The following TBCB variants were observed in gnomAD, a reference collection of about 807,000 sequenced individuals.
TBCB encodes tubulin-folding cofactor B.
In TBCB, 18 loss-of-function variants were observed where a neutral mutation model predicts 29.2. The ratio of observed to expected loss-of-function variants is 0.62; its 90% confidence interval spans 0.43 to 0.91. The LOEUF is 0.91. TBCB is among the 40% of genes least tolerant of loss of function. The pLI is 0.00. For missense variants in TBCB, 336 were observed against 337.6 expected (o/e 1.00, Z 0.04); for synonymous variants, 172 against 137.8 (o/e 1.25, Z -1.74).
In TBCB at chr19:36,115,601, T is replaced by C. The variant is rs1973934794; in HGVS notation, c.41T>C (p.Phe14Ser). 6.2e-7 allele frequency: 1 copy of C among 1,609,986 alleles called. No individual in the cohort carries two copies. Among genetic ancestry groups the C allele is most frequent in the Non-Finnish European group, 8.5e-7 (1 of 1,178,594 alleles). The change falls in exon 1 of 6, where the codon TTC (phenylalanine) becomes TCC (serine). Residue 14 changes from phenylalanine to serine, a missense_variant. Transcript: ENST00000221855. The stretch of plus-strand genomic sequence containing the variant: ...GTGTCGGCACCCACGGTGACCGTTT[T>C]CATCAGCAGCTCCCTCAACACCTTC... The part of the protein sequence containing the change: ...TGVSAPTVTV[F>S]ISSSLNTFRS...
chr19:36,124,353 TGGG>T (rs1412097936), intron 4 of TBCB, among the ~76,000 whole-genome samples: 1 of 151,822 alleles, frequency 6.6e-6, no homozygotes, highest in Non-Finnish European at 1.5e-5. Context: ...CCCGAGTAGC[TGGG>T]ATTATAGGTG....
intron 2 of TBCB, among the ~76,000 whole-genome samples, chr19:36,117,044 C>T (rs964004427): frequency 6.6e-6 from 1 of 152,228 alleles, no homozygotes; most frequent in Non-Finnish European, 1.5e-5. Context: ...CATATGCCTG[C>T]GTGCCTCACC....
chr19:36,115,871 GA>G, intron 1 of TBCB, 169 bp from the exon 2 acceptor site: 2 of 1,177,118 alleles, frequency 1.7e-6, no homozygotes, highest in Non-Finnish European at 2.4e-6. Flanking sequence ...CGGGTCCAGC[GA>G]AAAATCCGAC....
intron 2 of TBCB, among the ~76,000 whole-genome samples, chr19:36,117,517 T>C (rs1045354254): frequency 2.0e-5 from 3 of 151,640 alleles, no homozygotes; most frequent in Admixed American, 2.0e-4. Flanking sequence ...GCTAATTTTG[T>C]AATTTTGTAT....
At chr19:36,116,723 G>A (rs903094991) in intron 2 of TBCB, 3 of 152,298 alleles carry the variant, frequency 2.0e-5, no homozygotes, top group African/African-American at 7.2e-5. Context: ...TCACCTCCTG[G>A]GTTCAAGTGA....
At chr19:36,120,428 T>C (rs1319214708) in intron 2 of TBCB, 3 of 456,506 alleles carry the variant, frequency 6.6e-6, no homozygotes, top group Non-Finnish European at 1.2e-5. Context: ...CCGGTTGGAC[T>C]CTGTGACTTT....
In TBCB at chr19:36,115,479, A is replaced by C; in HGVS notation, c.-82A>C. The C allele has an allele frequency of 9.4e-7, 1 of 1,062,012 alleles. No homozygotes were observed. Among genetic ancestry groups the C allele is most frequent in the Non-Finnish European group, 1.4e-6 (1 of 717,086 alleles). 65.8% of individuals were successfully genotyped at this position (1,062,012 alleles called of 1,614,324 possible). Reference sequence around the variant, plus strand: ...GAGCAGGAGGCGGGGCTGATAGCCCAGCAGCAGCAGCGGCGGCGGCGGCTG... The same window carrying C: ...GAGCAGGAGGCGGGGCTGATAGCCCCGCAGCAGCAGCGGCGGCGGCGGCTG... On this transcript the variant is annotated 5_prime_UTR_variant, in exon 1 of 6. Coordinates refer to ENST00000221855, the MANE Select transcript of TBCB (RefSeq NM_001281.3).
chr19:36,123,147 T>A (rs1436355269), intron 4 of TBCB, among the ~76,000 whole-genome samples: 1 of 152,274 alleles, frequency 6.6e-6, no homozygotes, highest in African/African-American at 2.4e-5. Context: ...TGCCAAATAG[T>A]CCTGCATTGA....
Position 36,115,483 on chromosome 19 carries a change from G to C in TBCB, c.-78G>C. ...AGGAGGCGGGGCTGATAGCCCAGCA[G>C]CAGCAGCGGCGGCGGCGGCTGCGGA... On this transcript the variant is annotated 5_prime_UTR_variant, in exon 1 of 6. Transcript: ENST00000221855. 8.9e-7 allele frequency: 1 copy of C among 1,128,222 alleles called. No homozygotes were observed. The highest frequency in any genetic ancestry group is 1.4e-5 in the South Asian group (1 of 71,540). The allele number at this position is 1,128,222 out of a possible 1,614,324, so 69.9% of individuals were successfully genotyped here.
At chr19:36,120,958 G>A (rs985181391) in intron 3 of TBCB, 152 bp downstream of exon 3, 49 of 708,094 alleles carry the variant, frequency 6.9e-5, no homozygotes, top group Non-Finnish European at 9.4e-5. Context: ...GAGGCTGGGA[G>A]TGGGGACAGA....
chr19:36,121,441 C>G, intron 3 of TBCB, 86 bp from the exon 4 acceptor site: 8 of 1,431,802 alleles, frequency 5.6e-6, no homozygotes, highest in Non-Finnish European at 7.4e-6. Flanking sequence ...AGAGTTCCTC[C>G]GTGAACGTGG....
chr19:36,120,261 G>A (rs1974022082), intron 2 of TBCB, among the ~76,000 whole-genome samples: 1 of 152,174 alleles, frequency 6.6e-6, no homozygotes, highest in Non-Finnish European at 1.5e-5. Context: ...GCCCAGCTGG[G>A]CCCCTGGGAG....
intron 2 of TBCB, 183 bp downstream of exon 2, chr19:36,116,367 GGGA>G: frequency 1.3e-6 from 1 of 747,190 alleles, no homozygotes; most frequent in Non-Finnish European, 2.0e-6. Flanking sequence ...GGTCTGGGCT[GGGA>G]TCAGGAAATC....
intron 2 of TBCB, among the ~76,000 whole-genome samples, chr19:36,119,396 A>G (rs1345966132): frequency 6.6e-6 from 1 of 151,750 alleles, no homozygotes; most frequent in African/African-American, 2.4e-5. Context: ...CTCTCATCAA[A>G]TCCTCTCGGC....
intron 4 of TBCB, among the ~76,000 whole-genome samples, chr19:36,123,983 C>T (rs182243336): frequency 1.3e-5 from 2 of 152,290 alleles, no homozygotes; most frequent in Non-Finnish European, 2.9e-5. Context: ...TTTTGAGGAC[C>T]TGCCACACTG....
intron 3 of TBCB, 61 bp downstream of exon 3, chr19:36,120,867 GGGC>G: frequency 6.5e-7 from 1 of 1,548,112 alleles, no homozygotes; most frequent in South Asian, 1.1e-5. Flanking sequence ...GCAGGTATGA[GGGC>G]GGGCAGGTTA....
chr19:36,115,772 G>T (rs1973940087), intron 1 of TBCB, 98 bp downstream of exon 1: 2 of 1,259,016 alleles, frequency 1.6e-6, no homozygotes. Context: ...GACTGGGCGG[G>T]CCCGGAGGTG....
chr19:36,118,799 C>G (rs969248887), intron 2 of TBCB: 5 of 152,162 alleles, frequency 3.3e-5, no homozygotes, highest in Admixed American at 3.3e-4. Context: ...AGACAGGCCA[C>G]TTCTGTGGCC....
In TBCB at chr19:36,121,559, C is replaced by A. The variant is rs957458459; in HGVS notation, c.388C>A (p.Leu130Ile). 3.1e-5 allele frequency: 48 copies of A among 1,560,666 alleles called. No individual in the cohort carries two copies. Among genetic ancestry groups the A allele is most frequent in the Non-Finnish European group, 4.1e-5 (47 of 1,154,344 alleles). Residue 130 changes from leucine to isoleucine, a missense_variant, in exon 4 of 6, where the codon CTC (leucine) becomes ATC (isoleucine). Leu to Ile is a conservative substitution (Grantham distance 5). Coordinates refer to ENST00000221855, the MANE Select transcript of TBCB (RefSeq NM_001281.3). ...TVRSFLKRSK[L>I]GRYNEEERAQ... ...CCGCTCTTTCCTGAAGCGCAGCAAG[C>A]TCGGCCGGTACAACGAGGAGGAGCG... is the stretch of plus-strand genomic sequence containing the variant.
Sources: gnomAD v4.1 joint callset for allele counts (sites outside exome capture counted in the v4.1 genomes callset) on GRCh38, gnomAD v4.1.1 for gene constraint, MANE v1.5 for transcripts, NCBI Gene and HGNC (gene_info 2026-07-23, HGNC 2026-07-21) for gene names.